Variants in TDRKH observed in about 807,000 individuals in gnomAD.
TDRKH encodes tudor and KH domain containing, also known as tudor and KH domain-containing protein.
TDRKH carries 28 observed loss-of-function variants against 61.3 expected under a neutral mutation model. The ratio of observed to expected loss-of-function variants is 0.46; its 90% CI spans 0.34 to 0.63. The LOEUF is 0.63. TDRKH is among the 20% of genes least tolerant of loss of function. The probability of loss-of-function intolerance (pLI) is 0.01; values close to 1 mark genes in which losing one functional copy is unlikely to be tolerated. For missense variants in TDRKH, 540 were observed against 683.4 expected (o/e 0.79, Z 2.34); for synonymous variants, 219 against 244.4 (o/e 0.90, Z 0.97).
intron 1 of TDRKH, among the ~76,000 whole-genome samples, chr1:151,785,658 G>C (rs973029616): frequency 3.4e-4 from 51 of 152,234 alleles, no homozygotes; most frequent in African/African-American, 1.2e-3. Context: ...CTCTAACCCA[G>C]AGTCTGGGTT....
downstream of TDRKH, chr1:151,767,916 G>A: frequency 9.5e-7 from 1 of 1,051,190 alleles, no homozygotes; most frequent in Middle Eastern, 3.2e-4. Context: ...CTGGGACTAA[G>A]GGATATTATT....
At chr1:151,770,287 C>T (rs751742307), downstream of TDRKH, 12 of 1,603,580 alleles carry the variant, frequency 7.5e-6, no homozygotes, top group East Asian at 6.7e-5. Context: ...CCTTGCTTTT[C>T]GCGCTGAGGC....
At chr1:151,781,979 C>T (rs922348783) in intron 2 of TDRKH, 3 of 459,110 alleles carry the variant, frequency 6.5e-6, no homozygotes. Flanking sequence ...AGGTCCTATT[C>T]TCTAGATCCA....
intron 1 of TDRKH, among the ~76,000 whole-genome samples, chr1:151,784,666 T>A (rs1389492111): frequency 1.3e-5 from 2 of 152,164 alleles, no homozygotes; most frequent in Non-Finnish European, 2.9e-5. Context: ...TTTTCTAACC[T>A]CTAAACACTG....
chr1:151,784,933 GTTTTTTTT>G (rs377380901), intron 1 of TDRKH, among the ~76,000 whole-genome samples: 1 of 126,534 alleles, frequency 7.9e-6, no homozygotes, highest in Non-Finnish European at 1.7e-5. Context: ...ATGGCAATTC[GTTTTTTTT>G]TTTTTTTTTG....
At chr1:151,777,891 C>CT (rs916970307) in intron 6 of TDRKH, among the ~76,000 whole-genome samples, 21 of 147,794 alleles carry the variant, frequency 1.4e-4, no homozygotes, top group South Asian at 4.3e-4. Flanking sequence ...GCCAGTATTT[C>CT]TTTTTTTTTT....
downstream of TDRKH, among the ~76,000 whole-genome samples, chr1:151,768,857 T>G (rs1648471903): frequency 6.6e-6 from 1 of 150,630 alleles, no homozygotes; most frequent in Non-Finnish European, 1.5e-5. Flanking sequence ...GATTAGGGAG[T>G]GGTGATGACT....
chr1:151,783,152 C>T (rs965855190), intron 1 of TDRKH, 103 bp from the exon 2 acceptor site: 19 of 1,030,060 alleles, frequency 1.8e-5, no homozygotes, highest in Admixed American at 3.4e-5. Context: ...CTACTACTGC[C>T]TACCTTCCAA....
chr1:151,788,651 G>T (rs972008210), intron 1 of TDRKH, among the ~76,000 whole-genome samples: 10 of 152,218 alleles, frequency 6.6e-5, no homozygotes, highest in African/African-American at 2.4e-4. Context: ...ATTGATCTAA[G>T]ATCACACAGC....
chr1:151,784,401 G>A (rs1429618113), intron 1 of TDRKH, among the ~76,000 whole-genome samples: 1 of 152,114 alleles, frequency 6.6e-6, no homozygotes, highest in South Asian at 2.1e-4. Flanking sequence ...AGGAAAACTC[G>A]AGTGTCAATA....
At chr1:151,769,700 G>A (rs1648564174), downstream of TDRKH, among the ~76,000 whole-genome samples, 3 of 152,178 alleles carry the variant, frequency 2.0e-5, no homozygotes, top group South Asian at 6.2e-4. Context: ...TGCAATCTCG[G>A]CACTTTGGGA....
downstream of TDRKH, among the ~76,000 whole-genome samples, chr1:151,769,786 C>G (rs985140731): frequency 1.3e-5 from 2 of 152,224 alleles, no homozygotes; most frequent in African/African-American, 4.8e-5. Context: ...CTGGGCAACA[C>G]TGAGCACTGA....
intron 1 of TDRKH, among the ~76,000 whole-genome samples, chr1:151,790,052 A>C (rs1185415783): frequency 6.6e-6 from 1 of 152,226 alleles, no homozygotes; most frequent in African/African-American, 2.4e-5. Flanking sequence ...TTAAAGGCAA[A>C]GTGATATACG....
intron 7 of TDRKH, 30 bp from the exon 8 acceptor site, chr1:151,776,298 G>A: frequency 6.2e-7 from 1 of 1,607,644 alleles, no homozygotes; most frequent in Non-Finnish European, 8.5e-7. Context: ...GAAAGGCAGA[G>A]AGTTACAAAG....
At position 151,775,899 on chromosome 1, in the gene TDRKH, A is replaced by G; in HGVS notation, c.1218-15T>C. 1 of 1,610,102 alleles carries G rather than the reference A, an allele frequency of 6.2e-7. No homozygotes were observed. The highest frequency in any genetic ancestry group is 8.5e-7 in the Non-Finnish European group (1 of 1,176,638). The stretch of plus-strand genomic sequence containing the variant: ...GGAAGTCACTCCTGAAGTAAAAGAA[A>G]CTAAAATTAGAATCCTGGGGCCAAA... On this transcript the variant is annotated splice_polypyrimidine_tract_variant and intron_variant, in intron 8 of 12. Transcript: ENST00000368824.
chr1:151,772,508 G>GTAAGGTCTT (rs957790995), downstream of TDRKH, among the ~76,000 whole-genome samples: 32 of 152,054 alleles, frequency 2.1e-4, no homozygotes, highest in Non-Finnish European at 3.8e-4. Flanking sequence ...AAAAAGACCT[G>GTAAGGTCTT]TGTAAGGCAT....
chr1:151,774,278 C>A lies in TDRKH; in HGVS notation c.*174G>T. The A allele has an allele frequency of 1.6e-6, 1 of 635,718 alleles. No individual in the cohort carries two copies. Among genetic ancestry groups the A allele is most frequent in the Non-Finnish European group, 2.7e-6 (1 of 372,528 alleles). 39.4% of individuals were successfully genotyped at this position (635,718 alleles called of 1,614,324 possible). On this transcript the variant is annotated 3_prime_UTR_variant, in exon 13 of 13. Coordinates refer to ENST00000368824, the MANE Select transcript of TDRKH (RefSeq NM_001083965.2). ...AGCTTGAAAGTGCTCAATCTGAGAGCAAGTTAAGCTGCAGGAAAGCAGCTG... is the reference window on the plus strand; with the variant it reads ...AGCTTGAAAGTGCTCAATCTGAGAGAAAGTTAAGCTGCAGGAAAGCAGCTG...
chr1:151,770,091 GA>G, downstream of TDRKH: 2 of 453,198 alleles, frequency 4.4e-6, no homozygotes, highest in Non-Finnish European at 7.2e-6. Flanking sequence ...GAGGGAGAGG[GA>G]GACCATGGGG....
At chr1:151,768,031 AGAG>A, downstream of TDRKH, 1 of 1,613,328 alleles carries the variant, frequency 6.2e-7, no homozygotes, top group Non-Finnish European at 8.5e-7. Context: ...TTTGAAGACT[AGAG>A]GAGCATTTTT....
Sources: allele counts gnomAD v4.1 joint callset (sites outside exome capture counted in the v4.1 genomes callset), GRCh38; gene constraint gnomAD v4.1.1; transcripts MANE v1.5; gene names NCBI Gene and HGNC (gene_info 2026-07-23, HGNC 2026-07-21).